The following KDM3A variants were observed in gnomAD, a reference collection of about 807,000 sequenced individuals.
KDM3A encodes lysine demethylase 3A, also known as lysine-specific demethylase 3A.
Under a neutral mutation model 158.0 loss-of-function variants are expected in KDM3A, and 60 were observed. The ratio of observed to expected loss-of-function variants is 0.38; its 90% CI spans 0.31 to 0.47. The LOEUF (loss-of-function observed/expected upper bound fraction) is 0.47, where lower values mean the gene tolerates loss of function less well. KDM3A is among the 20% of genes least tolerant of loss of function. The pLI is 0.99. For missense variants in KDM3A, 1,319 were observed against 1,574.3 expected, an observed-to-expected ratio of 0.84 and a Z score of 2.74; for synonymous variants, 608 against 549.3, an observed-to-expected ratio of 1.11 and a Z score of -1.49.
At chr2:86,480,922 A>C (rs1673894507) in intron 16 of KDM3A, among the ~76,000 whole-genome samples, 1 of 152,230 alleles carries the variant, frequency 6.6e-6, no homozygotes, top group Non-Finnish European at 1.5e-5. Context: ...ATGCCCAATC[A>C]TCAATACTGC....
upstream of KDM3A, among the ~76,000 whole-genome samples, chr2:86,439,788 G>A (rs989132539): frequency 3.9e-5 from 6 of 151,950 alleles, no homozygotes; most frequent in Admixed American, 2.0e-4. Flanking sequence ...CTGTCTTCAT[G>A]GACTTTATCT....
intron 8 of KDM3A, chr2:86,460,656 A>G (rs1220313801): frequency 1.3e-5 from 2 of 152,204 alleles, no homozygotes; most frequent in Non-Finnish European, 2.9e-5. Flanking sequence ...CTAGCAGACT[A>G]TTCCTCAGAG....
At chr2:86,446,516 C>G (rs1335696198) in intron 2 of KDM3A, among the ~76,000 whole-genome samples, 1 of 152,122 alleles carries the variant, frequency 6.6e-6, no homozygotes, top group African/African-American at 2.4e-5. Flanking sequence ...CAAGACCAAC[C>G]TGGCCAACAT....
intron 11 of KDM3A, among the ~76,000 whole-genome samples, chr2:86,471,559 AATC>A (rs1186190037): frequency 2.6e-5 from 4 of 152,132 alleles, no homozygotes; most frequent in Admixed American, 2.0e-4. Context: ...GACTAACTCT[AATC>A]ATAAACAGAA....
intron 4 of KDM3A, among the ~76,000 whole-genome samples, chr2:86,452,714 T>TG (rs1672521606): frequency 6.6e-6 from 1 of 152,220 alleles, no homozygotes; most frequent in Admixed American, 6.5e-5. Context: ...AAAAGTAGTT[T>TG]GGGGTCAGTG....
chr2:86,477,730 G>C lies in KDM3A; in HGVS notation c.1940-147G>C, dbSNP rs1379003864. 3 of 670,962 alleles carry C rather than the reference G, an allele frequency of 4.5e-6. No individual in the cohort carries two copies. The Admixed American group carries it at 9.1e-5, about 20-fold the overall frequency. The allele number at this position is 670,962 out of a possible 1,614,324, so 41.6% of individuals were successfully genotyped here. On this transcript the variant is annotated intron_variant, in intron 12 of 25. Transcript: ENST00000312912. ...TGAGGGGATCCAGGAACACTTCATG[G>C]GGTGGAGGACAGCATTTGCAATGAA...
chr2:86,481,415 G>A (rs999948548), intron 16 of KDM3A, among the ~76,000 whole-genome samples: 11 of 151,734 alleles, frequency 7.2e-5, no homozygotes, highest in Non-Finnish European at 1.3e-4. Context: ...ACCACGCCCT[G>A]CTAACATTTG....
intron 1 of KDM3A, 81 bp downstream of exon 1, chr2:86,441,525 G>A (rs1682703278): frequency 6.6e-6 from 1 of 150,992 alleles, no homozygotes; most frequent in Non-Finnish European, 1.5e-5. Context: ...TCGCCCGTTG[G>A]CAGCGGCGCA....
Position 86,481,930 on chromosome 2 carries a change from A to G in KDM3A, c.2513A>G (p.Glu838Gly). 6.2e-7 allele frequency: 1 copy of G among 1,608,152 alleles called. No homozygotes were observed. The highest frequency in any genetic ancestry group is 1.1e-5 in the South Asian group (1 of 89,812). Residue 838 changes from glutamate to glycine, a missense_variant and splice_region_variant, in exon 17 of 26, where the codon GAA becomes GGA. By Grantham distance (98) the Glu-to-Gly change is moderately conservative. Coordinates refer to ENST00000312912, the MANE Select transcript of KDM3A (RefSeq NM_018433.6). ...TSGNVNKENKEKQPTMPILKN... is the reference protein window; with the variant it reads ...TSGNVNKENKGKQPTMPILKN... ...TCTGGATGTTTTGGTTTTATTTTAG[A>G]AAAACAACCAACAATGCCAATTTTA... is the stretch of plus-strand genomic sequence containing the variant.
At chr2:86,441,628 C>T (rs1243248988) in intron 1 of KDM3A, 184 bp downstream of exon 1, 2 of 150,980 alleles carry the variant, frequency 1.3e-5, no homozygotes, top group African/African-American at 2.4e-5. Flanking sequence ...GCTCGCCCAC[C>T]CTCCCCCGTG....
chr2:86,442,115 CCGACGGCAG>C lies in KDM3A; in HGVS notation c.72_80del (p.Asp27_Ser29del), dbSNP rs749448727. 27 of 1,614,032 alleles carry C rather than the reference CCGACGGCAG, an allele frequency of 1.7e-5. No homozygotes were observed. The highest frequency in any genetic ancestry group is 2.7e-5 in the African/African-American group (2 of 74,926). On this transcript the variant is annotated inframe_deletion, in exon 2 of 26. Coordinates refer to ENST00000312912, the MANE Select transcript of KDM3A (RefSeq NM_018433.6). Reference sequence around the variant, plus strand: ...AGGAGGTTTCTCAGTCTGTCCGCAGCCGACGGCAGCGATGGCAGCCACGACAGCTGGGAC... The same window carrying C: ...AGGAGGTTTCTCAGTCTGTCCGCAGCCGATGGCAGCCACGACAGCTGGGAC...
At chr2:86,459,006 G>A (rs1558612124) in intron 8 of KDM3A, among the ~76,000 whole-genome samples, 2 of 152,134 alleles carry the variant, frequency 1.3e-5, no homozygotes, top group Non-Finnish European at 2.9e-5. Context: ...GTTGGATTTG[G>A]TGGAAGACTA....
At chr2:86,491,719 T>G (rs143050152) in intron 25 of KDM3A, 3 of 340,862 alleles carry the variant, frequency 8.8e-6, no homozygotes, top group African/African-American at 4.2e-5. Context: ...GTAACATAAT[T>G]TCATGTTTGG....
At chr2:86,438,867 G>C (rs1384868556), upstream of KDM3A, among the ~76,000 whole-genome samples, 1 of 151,858 alleles carries the variant, frequency 6.6e-6, no homozygotes, top group Non-Finnish European at 1.5e-5. Flanking sequence ...ATGTATTTTG[G>C]TAACTATTTT....
chr2:86,450,605 A>G (rs1197233101), intron 3 of KDM3A, among the ~76,000 whole-genome samples: 2 of 152,296 alleles, frequency 1.3e-5, no homozygotes, highest in Admixed American at 1.3e-4. Flanking sequence ...TGGTGCTTCA[A>G]GGAGGGAAGG....
rs756542736 is a variant in KDM3A at position 86,474,924 on chromosome 2, A to G, written c.1873A>G (p.Ile625Val). ...LDTAKYILAN[I>V]GDHFCQMVIS... ...CACAGCAAAGTACATCTTGGCCAAC[A>G]TTGGAGACCACTTCTGTCAAATGGT... The change falls in exon 12 of 26, where the codon ATT becomes GTT. Residue 625 changes from isoleucine (I) to valine (V), a missense_variant. This residue lies in a region of KDM3A where 113 missense variants were observed against 190.5 expected (regional missense o/e 0.59). Transcript: ENST00000312912. The G allele has an allele frequency of 2.7e-5, 44 of 1,614,102 alleles. No individual in the cohort carries two copies. Among genetic ancestry groups the G allele is most frequent in the Non-Finnish European group, 3.6e-5 (42 of 1,180,026 alleles).
In KDM3A at chr2:86,449,894, C is replaced by G. The variant is rs760678602; in HGVS notation, c.274C>G (p.His92Asp). Residue 92 changes from histidine to aspartate, a missense_variant, in exon 3 of 26, where the codon CAT (histidine) becomes GAT (aspartate). By Grantham distance (81) the His-to-Asp change is moderately conservative (BLOSUM62 -1). This residue lies in a region of KDM3A where 652 missense variants were observed against 627.2 expected (regional missense o/e 1.04). Coordinates refer to ENST00000312912, the MANE Select transcript of KDM3A (RefSeq NM_018433.6). ...SLLRRAFLVE[H>D]NLVLAERKSP... ...TCTAAGGAGAGCATTTTTAGTAGAA[C>G]ATAATTTGGTTTTAGCTGAACGAAA... 3 of 1,613,690 alleles carry G rather than the reference C, an allele frequency of 1.9e-6. No individual in the cohort carries two copies. The highest frequency in any genetic ancestry group is 1.7e-5 in the Admixed American group (1 of 59,960).
intron 5 of KDM3A, among the ~76,000 whole-genome samples, chr2:86,456,191 A>G (rs543257782): frequency 6.6e-6 from 1 of 152,126 alleles, no homozygotes; most frequent in East Asian, 1.9e-4. Flanking sequence ...GATTCCTCTA[A>G]AACTACACAG....
In KDM3A at chr2:86,442,093, A is replaced by G. The variant is rs774584950; in HGVS notation, c.46A>G (p.Arg16Gly). ...AAGTTGGCCGGTATTGGTGGGGAGG[A>G]GGTTTCTCAGTCTGTCCGCAGCCGA... Reference protein sequence around the residue: ...GESWPVLVGRRFLSLSAADGS... With the variant: ...GESWPVLVGRGFLSLSAADGS... Residue 16 changes from arginine (R) to glycine (G), a missense_variant, in exon 2 of 26, where the codon AGG (arginine) becomes GGG (glycine). Arg to Gly is a moderately radical substitution (Grantham distance 125, BLOSUM62 -2). This residue lies in a region of KDM3A where 652 missense variants were observed against 627.2 expected (regional missense o/e 1.04). Transcript: ENST00000312912. 1 of 1,613,840 alleles carries G rather than the reference A, an allele frequency of 6.2e-7. No homozygotes were observed. Among genetic ancestry groups the G allele is most frequent in the Non-Finnish European group, 8.5e-7 (1 of 1,179,946 alleles).
Sources: gnomAD v4.1 joint callset for allele counts (sites outside exome capture counted in the v4.1 genomes callset) on GRCh38, gnomAD v4.1.1 for gene constraint, gnomAD v4.1.1 regional missense constraint, MANE v1.5 for transcripts, NCBI Gene and HGNC (gene_info 2026-07-23, HGNC 2026-07-21) for gene names.